CAMSAP1: variants seen among roughly 807,000 people sequenced by gnomAD.
The protein encoded by CAMSAP1 is calmodulin regulated spectrin associated protein 1.
A neutral mutation model predicts 143.5 loss-of-function variants in CAMSAP1; 58 were observed. The ratio of observed to expected loss-of-function variants is 0.40; its 90% confidence interval spans 0.33 to 0.50. The LOEUF is 0.50. Ranked by LOEUF, CAMSAP1 falls within the 20% of genes least tolerant of loss-of-function variation. The probability of loss-of-function intolerance (pLI) is 0.45; values close to 1 mark genes in which losing one functional copy is unlikely to be tolerated. For missense variants in CAMSAP1, 1,969 were observed against 2,115.7 expected (o/e 0.93, Z 1.36); for synonymous variants, 945 against 859.3 (o/e 1.10, Z -1.74).
chr9:135,880,255 G>C (rs946625842), intron 3 of CAMSAP1, among the ~76,000 whole-genome samples: 3 of 152,148 alleles, frequency 2.0e-5, no homozygotes, highest in African/African-American at 4.8e-5. Flanking sequence ...ATTTTCCACA[G>C]AATTCTTGCA....
intron 3 of CAMSAP1, among the ~76,000 whole-genome samples, chr9:135,871,819 C>T (rs1441763024): frequency 2.6e-5 from 4 of 151,924 alleles, no homozygotes; most frequent in Non-Finnish European, 5.9e-5. Flanking sequence ...TAAAGAGGTC[C>T]TGGCCAGGCG....
chr9:135,809,005 G>C lies in CAMSAP1; in HGVS notation c.*2304C>G, dbSNP rs1443572415. The C allele has an allele frequency of 6.6e-6, 1 of 152,164 alleles. No individual in the cohort carries two copies. The highest frequency in any genetic ancestry group is 6.6e-5 in the Admixed American group (1 of 15,264). The allele number at this position is 152,164 out of a possible 1,614,324, so 9.4% of individuals were successfully genotyped here. A position where few individuals can be genotyped will look rare whatever the true frequency, so the allele number is the denominator to read the frequency against. On this transcript the variant is annotated 3_prime_UTR_variant, in exon 17 of 17. Transcript: ENST00000389532. ...GCAAGCTTTCCGCTGAAAGAAATTT[G>C]CAACGAGACACAAATACCACTGCAG...
chr9:135,902,498 G>A (rs1838646660), intron 1 of CAMSAP1, among the ~76,000 whole-genome samples: 1 of 152,184 alleles, frequency 6.6e-6, no homozygotes, highest in Non-Finnish European at 1.5e-5. Context: ...GAGGTGGAAA[G>A]GGGCTCTGAG....
intron 3 of CAMSAP1, among the ~76,000 whole-genome samples, chr9:135,877,163 G>A (rs565062853): frequency 1.1e-4 from 17 of 151,954 alleles, no homozygotes; most frequent in Admixed American, 2.6e-4. Context: ...ACCAAGCACC[G>A]ACAGAACTTC....
At chr9:135,893,666 A>G (rs746276788) in intron 1 of CAMSAP1, among the ~76,000 whole-genome samples, 1 of 152,214 alleles carries the variant, frequency 6.6e-6, no homozygotes, top group Non-Finnish European at 1.5e-5. Flanking sequence ...GAATCTTCCA[A>G]TACTTGTGAA....
In CAMSAP1 at chr9:135,821,775, C is replaced by T; in HGVS notation, c.2886G>A (p.Glu962=). 1 of 1,614,018 alleles carries T rather than the reference C, an allele frequency of 6.2e-7. No individual in the cohort carries two copies. Among genetic ancestry groups the T allele is most frequent in the Non-Finnish European group, 8.5e-7 (1 of 1,179,890 alleles). The change falls in exon 11 of 17, where the codon GAG becomes GAA. Residue 962 remains glutamate (E), a synonymous_variant. Transcript: ENST00000389532. This position sits in a 1 kb window ranked among gnomAD's most constrained non-coding sequence, Gnocchi z 4.6. ...GCTCGTGAAGGAGCTCCTCTCTCTG[C>T]TCCTCCTTCACGAGAAAGTCTTCGG... ...SKTEDFLVKE[E]QREELLHEPQ...
Position 135,850,302 on chromosome 9 carries a change from G to A in CAMSAP1, c.948+20C>T, listed in dbSNP as rs779049054. On this transcript the variant is annotated intron_variant, in intron 6 of 16. Transcript: ENST00000389532. Reference sequence around the variant, plus strand: ...TTCACACATGGTTTTAAAACTGCATGCCAAATAATTCGTTATTACCTTCAA... The same window carrying A: ...TTCACACATGGTTTTAAAACTGCATACCAAATAATTCGTTATTACCTTCAA... The A allele has an allele frequency of 6.2e-7, 1 of 1,610,640 alleles. No homozygotes were observed. The highest frequency in any genetic ancestry group is 8.5e-7 in the Non-Finnish European group (1 of 1,178,398).
chr9:135,815,243 ATTATTAT>A, intron 15 of CAMSAP1, 28 bp from the exon 16 acceptor site: 1 of 1,515,298 alleles, frequency 6.6e-7, no homozygotes, highest in Non-Finnish European at 9.0e-7. Context: ...GGTTGGTAAA[ATTATTAT>A]TTTAAGGCAC....
chr9:135,882,667 G>T lies in CAMSAP1; in HGVS notation c.423+149C>A. The T allele has an allele frequency of 1.2e-6, 1 of 840,714 alleles. No homozygotes were observed. The highest frequency in any genetic ancestry group is 1.8e-6 in the Non-Finnish European group (1 of 555,914). 52.1% of individuals were successfully genotyped at this position (840,714 alleles called of 1,614,324 possible). On this transcript the variant is annotated intron_variant, in intron 2 of 16. Transcript: ENST00000389532. This position sits in a 1 kb window ranked among gnomAD's most constrained non-coding sequence, Gnocchi z 4.9. ...AGTCATGTGCTTTAAAAGATATGCA[G>T]TTTCCTAAGGAACGCCAGTGTGCAA...
At chr9:135,866,280 T>C in intron 4 of CAMSAP1, 176 bp downstream of exon 4, 1 of 539,864 alleles carries the variant, frequency 1.9e-6, no homozygotes, top group African/African-American at 1.9e-5. Context: ...CAGGCTGCCG[T>C]GGTCACATCT....
chr9:135,851,448 G>A (rs1333592742), intron 5 of CAMSAP1, among the ~76,000 whole-genome samples: 1 of 152,180 alleles, frequency 6.6e-6, no homozygotes, highest in Non-Finnish European at 1.5e-5. Context: ...TGCTAAGGAT[G>A]TTTCCTTTTG....
chr9:135,811,057 G>T lies in CAMSAP1; in HGVS notation c.*252C>A. On this transcript the variant is annotated 3_prime_UTR_variant, in exon 17 of 17. Transcript: ENST00000389532. The surrounding 1 kb of genome is among the most constrained non-coding windows in gnomAD (Gnocchi z 4.9). ...TGGTCAGCAGTGGCCACAGCAGTGC[G>T]AGCCACTGCAAAAGCGGCATCTACT... 1 of 531,788 alleles carries T rather than the reference G, an allele frequency of 1.9e-6. No individual in the cohort carries two copies. The highest frequency in any genetic ancestry group is 3.4e-6 in the Non-Finnish European group (1 of 296,332). 32.9% of individuals were successfully genotyped at this position (531,788 alleles called of 1,614,324 possible).
In CAMSAP1 at chr9:135,818,703, C is replaced by T; in HGVS notation, c.3960-87G>A. 6.9e-7 allele frequency: 1 copy of T among 1,448,114 alleles called. No homozygotes were observed. The highest frequency in any genetic ancestry group is 1.3e-5 in the South Asian group (1 of 75,242). The allele number at this position is 1,448,114 out of a possible 1,614,324, so 89.7% of individuals were successfully genotyped here. ...CGCGGCGCTCTGTCCAGGCGCGTTT[C>T]TCGGGTTCTCCCCGGCCGCTGGGAC... On this transcript the variant is annotated intron_variant, in intron 12 of 16. Transcript: ENST00000389532. The surrounding 1 kb of genome is among the most constrained non-coding windows in gnomAD (Gnocchi z 7.7).
intron 1 of CAMSAP1, among the ~76,000 whole-genome samples, chr9:135,887,498 C>T (rs962215662): frequency 2.0e-5 from 3 of 152,224 alleles, no homozygotes; most frequent in Non-Finnish European, 2.9e-5. Context: ...ATTGGAGAAA[C>T]GGTGACGAAA....
At chr9:135,844,890 C>T (rs746986510) in intron 7 of CAMSAP1, among the ~76,000 whole-genome samples, 1 of 152,072 alleles carries the variant, frequency 6.6e-6, no homozygotes, top group South Asian at 2.1e-4. Context: ...GCCTCCCAAC[C>T]GAAAAAAGCC....
At chr9:135,816,120 C>G in intron 14 of CAMSAP1, 115 bp from the exon 15 acceptor site, 1 of 870,060 alleles carries the variant, frequency 1.1e-6, no homozygotes, top group Admixed American at 2.2e-5. Flanking sequence ...GGGGAGGAGG[C>G]TTTCGGTGAC....
At position 135,874,479 on chromosome 9, in the gene CAMSAP1, G is replaced by A. The variant is rs1402291196; in HGVS notation, c.585+7154C>T. ...CAGGGTGAGACCCTGTCTCAAAAAAGGGGGGGGGGGGCCACAGGGGCCGGG... is the reference window on the plus strand; with the variant it reads ...CAGGGTGAGACCCTGTCTCAAAAAAAGGGGGGGGGGGCCACAGGGGCCGGG... On this transcript the variant is annotated intron_variant, in intron 3 of 16. Transcript: ENST00000389532. Among the ~76,000 whole-genome samples, 33 of 9,616 alleles carry A rather than the reference G, an allele frequency of 3.4e-3. 1 individual carries two copies. Among genetic ancestry groups the A allele is most frequent in the African/African-American group, 5.7e-3 (28 of 4,946 alleles). 6.3% of individuals were successfully genotyped at this position (9,616 alleles called of 152,430 possible).
chr9:135,880,879 C>CTT (rs1837924673), intron 3 of CAMSAP1, among the ~76,000 whole-genome samples: 1 of 152,146 alleles, frequency 6.6e-6, no homozygotes, highest in Non-Finnish European at 1.5e-5. Flanking sequence ...TAAAAGTAAA[C>CTT]ATTCTTTACA....
At chr9:135,887,194 G>C (rs976920581) in intron 1 of CAMSAP1, among the ~76,000 whole-genome samples, 3 of 152,208 alleles carry the variant, frequency 2.0e-5, no homozygotes, top group Non-Finnish European at 2.9e-5. Flanking sequence ...ACAGATGTCG[G>C]GAGAGAAGCC....
Sources: allele counts gnomAD v4.1 joint callset (sites outside exome capture counted in the v4.1 genomes callset), GRCh38; gene constraint gnomAD v4.1.1; non-coding constraint Gnocchi (gnomAD v3.1); transcripts MANE v1.5; gene names NCBI Gene and HGNC (gene_info 2026-07-23, HGNC 2026-07-21).